The following FBXL13 variants were observed in gnomAD, a reference collection of about 807,000 sequenced individuals.
FBXL13 encodes F-box and leucine rich repeat protein 13, also known as F-box and leucine-rich repeat protein 13.
FBXL13 carries 67 observed loss-of-function variants against 83.6 expected under a neutral mutation model. The observed-to-expected ratio is 0.80, with a 90% CI of 0.66 to 0.98. The LOEUF (loss-of-function observed/expected upper bound fraction) is 0.98. Among genes scored for constraint, FBXL13 ranks in the 50% least tolerant of loss-of-function variants. The pLI, the probability that FBXL13 is intolerant of heterozygous loss-of-function variation, is 0.00. For missense variants in FBXL13, 822 were observed against 866.5 expected, an observed-to-expected ratio of 0.95 and a Z score of 0.64; for synonymous variants, 272 against 299.5, an observed-to-expected ratio of 0.91 and a Z score of 0.95.
intron 2 of FBXL13, among the ~76,000 whole-genome samples, chr7:103,030,692 GTAA>G (rs1452347335): frequency 1.3e-5 from 2 of 152,062 alleles, no homozygotes; most frequent in African/African-American, 4.8e-5. Flanking sequence ...AAACATTATA[GTAA>G]TAATGATTTT....
intron 19 of FBXL13, among the ~76,000 whole-genome samples, chr7:102,820,326 G>T (rs763158881): frequency 8.5e-5 from 13 of 152,234 alleles, no homozygotes; most frequent in Non-Finnish European, 1.3e-4. Flanking sequence ...TTTGATTGCA[G>T]AAGACAAAAT....
intron 6 of FBXL13, among the ~76,000 whole-genome samples, chr7:102,989,864 A>G (rs1829378672): frequency 6.6e-6 from 1 of 152,214 alleles, no homozygotes; most frequent in South Asian, 2.1e-4. Context: ...GTTGGATCAC[A>G]TAACTCTAAA....
chr7:102,861,944 T>G (rs1371801247), intron 16 of FBXL13, among the ~76,000 whole-genome samples: 1 of 145,160 alleles, frequency 6.9e-6, no homozygotes, highest in Non-Finnish European at 1.5e-5. Flanking sequence ...ATCGTGCCAC[T>G]GCACTCCAGC....
intron 19 of FBXL13, among the ~76,000 whole-genome samples, chr7:102,814,612 T>C (rs1228966635): frequency 1.3e-5 from 2 of 152,246 alleles, no homozygotes; most frequent in Non-Finnish European, 2.9e-5. Flanking sequence ...TTTAGCTTAT[T>C]ATTGGCTCTC....
At chr7:102,813,225 G>T, downstream of FBXL13, 1 of 860,608 alleles carries the variant, frequency 1.2e-6, no homozygotes, top group Non-Finnish European at 1.8e-6. Context: ...AGAATCAGAA[G>T]ATGGTTTGTT....
chr7:102,844,985 G>A (rs764133923), intron 17 of FBXL13, among the ~76,000 whole-genome samples: 3 of 152,210 alleles, frequency 2.0e-5, no homozygotes, highest in African/African-American at 7.2e-5. Context: ...GAGGTCCTGA[G>A]TGCAGGAACT....
intron 6 of FBXL13, among the ~76,000 whole-genome samples, chr7:102,992,140 G>C (rs915620207): frequency 6.6e-6 from 1 of 152,094 alleles, no homozygotes; most frequent in Admixed American, 6.6e-5. Flanking sequence ...CCCAAGGCAG[G>C]GGGAGGGTGA....
At chr7:103,004,457 C>T (rs1790761647) in intron 6 of FBXL13, among the ~76,000 whole-genome samples, 2 of 152,276 alleles carry the variant, frequency 1.3e-5, no homozygotes, top group Non-Finnish European at 2.9e-5. Flanking sequence ...TGAACAGACA[C>T]TCTGATTTAG....
intron 18 of FBXL13, among the ~76,000 whole-genome samples, chr7:102,831,800 T>C (rs1800751314): frequency 6.6e-6 from 1 of 152,122 alleles, no homozygotes; most frequent in African/African-American, 2.4e-5. Context: ...TGCTCTTATC[T>C]CCTCTCCTGT....
chr7:102,927,790 T>C (rs1218620535), intron 9 of FBXL13, among the ~76,000 whole-genome samples: 1 of 152,228 alleles, frequency 6.6e-6, no homozygotes, highest in Non-Finnish European at 1.5e-5. Flanking sequence ...TGAATAGGTA[T>C]GGATAGATAA....
chr7:102,857,938 C>G (rs1238017880), intron 16 of FBXL13, among the ~76,000 whole-genome samples: 1 of 152,152 alleles, frequency 6.6e-6, no homozygotes, highest in East Asian at 1.9e-4. Context: ...ATCCAGCAAT[C>G]TCACTAGTGG....
chr7:102,911,881 G>T (rs1213421523), intron 11 of FBXL13, among the ~76,000 whole-genome samples: 1 of 152,182 alleles, frequency 6.6e-6, no homozygotes, highest in Admixed American at 6.5e-5. Context: ...AAATATGAAT[G>T]TTAGATGTTT....
In FBXL13 at chr7:102,916,791, T is replaced by TGGG. The variant is rs61021557; in HGVS notation, c.879-3579_879-3577dup. On this transcript the variant is annotated intron_variant, in intron 10 of 19. Transcript: ENST00000313221. ...CTAATTATTTGATAACTGTTTCTTATGGGGGGGGGTGTGAGTCCTCTCTTT... is the reference window on the plus strand; with the variant it reads ...CTAATTATTTGATAACTGTTTCTTATGGGGGGGGGGGGTGTGAGTCCTCTCTTT... 1.1e-4 allele frequency among the ~76,000 whole-genome samples: 16 copies of TGGG among 147,970 alleles called. No individual in the cohort carries two copies. The East Asian group carries it at 1.7e-3, about 15-fold the overall frequency.
At chr7:102,947,506 C>T (rs1350181677) in intron 8 of FBXL13, among the ~76,000 whole-genome samples, 1 of 152,168 alleles carries the variant, frequency 6.6e-6, no homozygotes, top group Non-Finnish European at 1.5e-5. Flanking sequence ...AGTGGACTTT[C>T]AAATCTTAAG....
intron 11 of FBXL13, among the ~76,000 whole-genome samples, chr7:102,893,989 G>GAAAGAAAGAGGAAAGA (rs539860336): frequency 3.3e-5 from 5 of 150,458 alleles, no homozygotes; most frequent in African/African-American, 1.2e-4. Flanking sequence ...AAAGAGGAAA[G>GAAAGAAAGAGGAAAGA]AAAGAAAGAG....
At chr7:102,836,594 A>C (rs191384604) in intron 17 of FBXL13, among the ~76,000 whole-genome samples, 2 of 152,334 alleles carry the variant, frequency 1.3e-5, no homozygotes, top group East Asian at 3.9e-4. Flanking sequence ...AAATGCAAAC[A>C]TTATCAAGTT....
intron 11 of FBXL13, among the ~76,000 whole-genome samples, chr7:102,900,703 C>T (rs754199500): frequency 2.0e-5 from 3 of 152,114 alleles, no homozygotes; most frequent in Non-Finnish European, 2.9e-5. Context: ...CTGTGCTTCA[C>T]GACGAACCCA....
intron 6 of FBXL13, among the ~76,000 whole-genome samples, chr7:102,980,424 C>A (rs1361942714): frequency 6.6e-6 from 1 of 152,186 alleles, no homozygotes; most frequent in Non-Finnish European, 1.5e-5. Context: ...TGAGTTTGGA[C>A]CCTCTACCTT....
At chr7:103,074,276 T>C in exon 1 of FBXL13, 1 of 1,005,386 alleles carries the variant, frequency 9.9e-7, no homozygotes, top group Non-Finnish European at 1.2e-6. Context: ...TTATCTTAGG[T>C]GACTAGTGCC....
Sources: gnomAD v4.1 joint callset for allele counts (sites outside exome capture counted in the v4.1 genomes callset) on GRCh38, gnomAD v4.1.1 for gene constraint, MANE v1.5 for transcripts, NCBI Gene and HGNC (gene_info 2026-07-23, HGNC 2026-07-21) for gene names.